The following PTPN2 variants were observed in gnomAD, a reference collection of about 807,000 sequenced individuals.
The protein encoded by PTPN2 is tyrosine-protein phosphatase non-receptor type 2.
Under a neutral mutation model 57.3 loss-of-function variants are expected in PTPN2, and 19 were observed. The ratio of observed to expected loss-of-function variants is 0.33; its 90% confidence interval spans 0.23 to 0.49. The LOEUF (loss-of-function observed/expected upper bound fraction) is 0.49. Ranked by LOEUF, PTPN2 falls within the 20% of genes least tolerant of loss-of-function variation. The pLI is 0.99. For missense variants in PTPN2, 358 were observed against 501.1 expected (o/e 0.71, Z 2.73); for synonymous variants, 153 against 164.9 (o/e 0.93, Z 0.55).
At chr18:12,832,471 T>A (rs1257254991) in intron 3 of PTPN2, among the ~76,000 whole-genome samples, 1 of 152,152 alleles carries the variant, frequency 6.6e-6, no homozygotes, top group Non-Finnish European at 1.5e-5. Context: ...AGATACTCAA[T>A]AAATATTACT....
At chr18:12,848,917 G>T (rs761119946) in intron 2 of PTPN2, among the ~76,000 whole-genome samples, 1 of 152,168 alleles carries the variant, frequency 6.6e-6, no homozygotes, top group African/African-American at 2.4e-5. Flanking sequence ...TTAAAAGACA[G>T]TTAATTTATT....
At chr18:12,865,245 C>T (rs2043950774) in intron 1 of PTPN2, among the ~76,000 whole-genome samples, 2 of 151,814 alleles carry the variant, frequency 1.3e-5, no homozygotes, top group Admixed American at 1.3e-4. Flanking sequence ...CCAGTCTGGG[C>T]AACACAGACA....
chr18:12,818,601 G>A (rs2042160352), intron 5 of PTPN2, among the ~76,000 whole-genome samples: 2 of 151,438 alleles, frequency 1.3e-5, no homozygotes, highest in South Asian at 4.2e-4. Flanking sequence ...TTGTGTAAAC[G>A]AAGCAGTGGT....
intron 1 of PTPN2, among the ~76,000 whole-genome samples, chr18:12,870,496 GA>G (rs2044228396): frequency 1.1e-5 from 1 of 94,328 alleles, no homozygotes; most frequent in Admixed American, 1.1e-4. Flanking sequence ...GAGAGAGAGA[GA>G]GAAAAGCGTG....
At chr18:12,818,204 T>G (rs921277956) in intron 5 of PTPN2, among the ~76,000 whole-genome samples, 21 of 152,242 alleles carry the variant, frequency 1.4e-4, no homozygotes, top group African/African-American at 5.1e-4. Flanking sequence ...TTCCTTTTTA[T>G]GAATTTCAAA....
chr18:12,845,771 C>A (rs753173906), intron 2 of PTPN2, among the ~76,000 whole-genome samples: 1 of 152,060 alleles, frequency 6.6e-6, no homozygotes, highest in Non-Finnish European at 1.5e-5. Context: ...AGAAAAATTC[C>A]AAGCACAAAG....
chr18:12,859,497 C>G (rs1282349471), intron 1 of PTPN2, among the ~76,000 whole-genome samples: 1 of 152,226 alleles, frequency 6.6e-6, no homozygotes, highest in Non-Finnish European at 1.5e-5. Flanking sequence ...GATCCCATAG[C>G]TAGTAAGTGG....
intron 2 of PTPN2, among the ~76,000 whole-genome samples, chr18:12,839,350 A>G (rs544006151): frequency 6.6e-6 from 1 of 152,292 alleles, no homozygotes; most frequent in East Asian, 1.9e-4. Flanking sequence ...CTAATCATTA[A>G]AAAACAAACT....
intron 5 of PTPN2, among the ~76,000 whole-genome samples, chr18:12,825,116 C>CCAAA (rs562331481): frequency 6.6e-6 from 1 of 151,984 alleles, no homozygotes; most frequent in Non-Finnish European, 1.5e-5. Flanking sequence ...AACCAACCAA[C>CCAAA]CAAACAAACA....
At chr18:12,833,915 C>A (rs531617166) in intron 3 of PTPN2, among the ~76,000 whole-genome samples, 1 of 152,244 alleles carries the variant, frequency 6.6e-6, no homozygotes, top group Admixed American at 6.5e-5. Flanking sequence ...CAATAGAGAC[C>A]TGAAAAACAT....
At chr18:12,870,280 TATACATATAC>T (rs1299376788) in intron 1 of PTPN2, among the ~76,000 whole-genome samples, 188 of 77,740 alleles carry the variant, frequency 2.4e-3, no homozygotes, top group African/African-American at 0.012. Flanking sequence ...TATGTATATA[TATACATATAC>T]ATATATATGT....
Position 12,859,302 on chromosome 18 carries a change from A to T in PTPN2, c.70-48T>A, listed in dbSNP as rs1421263617. ...TTAATATCCCTCTTAAATTCTCCACAGCAAAACTTATCTTCCCAGCCAGCG... is the reference window on the plus strand; with the variant it reads ...TTAATATCCCTCTTAAATTCTCCACTGCAAAACTTATCTTCCCAGCCAGCG... On this transcript the variant is annotated intron_variant, in intron 1 of 8. Coordinates refer to ENST00000309660, the MANE Select transcript of PTPN2 (RefSeq NM_002828.4). 3.1e-6 allele frequency: 4 copies of T among 1,286,092 alleles called. No homozygotes were observed. The South Asian group carries it at 5.1e-5, about 16-fold the overall frequency. 79.7% of individuals were successfully genotyped at this position (1,286,092 alleles called of 1,614,324 possible). A position where few individuals can be genotyped will look rare whatever the true frequency, so the allele number is the denominator to read the frequency against.
exon 10 of PTPN2, chr18:12,785,496 T>C (rs2040826444): frequency 2.7e-6 from 1 of 376,062 alleles, no homozygotes; most frequent in Non-Finnish European, 4.8e-6. Context: ...AACAAAAATA[T>C]TTAATGCTGC....
intron 1 of PTPN2, among the ~76,000 whole-genome samples, chr18:12,861,292 C>A (rs1012736193): frequency 1.3e-5 from 2 of 152,164 alleles, no homozygotes; most frequent in African/African-American, 4.8e-5. Flanking sequence ...TTAATTTTAT[C>A]CCTTCCAAAT....
intron 7 of PTPN2, among the ~76,000 whole-genome samples, chr18:12,807,690 T>A (rs571571384): frequency 6.8e-6 from 1 of 147,464 alleles, no homozygotes; most frequent in Non-Finnish European, 1.5e-5. Context: ...TTAAGCCAAG[T>A]ACACAAAGAC....
At chr18:12,845,252 C>T (rs2043173576) in intron 2 of PTPN2, among the ~76,000 whole-genome samples, 1 of 152,146 alleles carries the variant, frequency 6.6e-6, no homozygotes, top group African/African-American at 2.4e-5. Flanking sequence ...CTATGAGTCA[C>T]TATAGATCTA....
intron 1 of PTPN2, among the ~76,000 whole-genome samples, chr18:12,881,540 T>C (rs1025733247): frequency 1.3e-5 from 2 of 152,208 alleles, no homozygotes; most frequent in East Asian, 1.9e-4. Context: ...GGCTCTGCCT[T>C]ACTCTCCAGC....
intron 7 of PTPN2, among the ~76,000 whole-genome samples, chr18:12,808,709 A>G (rs1233306506): frequency 6.6e-6 from 1 of 152,236 alleles, no homozygotes; most frequent in Non-Finnish European, 1.5e-5. Context: ...TGACCCCAGG[A>G]GGCGGAGGTT....
intron 2 of PTPN2, among the ~76,000 whole-genome samples, chr18:12,857,445 G>C (rs964359087): frequency 1.3e-5 from 2 of 152,108 alleles, no homozygotes; most frequent in African/African-American, 4.8e-5. Flanking sequence ...TACCACTGGG[G>C]GAAACTAGGT....
Sources: gnomAD v4.1 joint callset for allele counts (sites outside exome capture counted in the v4.1 genomes callset) on GRCh38, gnomAD v4.1.1 for gene constraint, MANE v1.5 for transcripts, NCBI Gene and HGNC (gene_info 2026-07-23, HGNC 2026-07-21) for gene names.